GULP1: variants seen among roughly 807,000 people sequenced by gnomAD.
The protein encoded by GULP1 is GULP PTB domain containing engulfment adaptor 1.
A neutral mutation model predicts 40.9 loss-of-function variants in GULP1; 19 were observed. The ratio of observed to expected loss-of-function variants is 0.46; its 90% CI spans 0.32 to 0.68. The LOEUF is 0.68. Among genes scored for constraint, GULP1 ranks in the 30% least tolerant of loss-of-function variants. The pLI is 0.03. For synonymous variants in GULP1, 119 were observed against 117.6 expected (o/e 1.01, Z -0.08); for missense variants, 312 against 362.2 (o/e 0.86, Z 1.12).
At chr2:188,483,057 G>A (rs1163950981) in intron 3 of GULP1, among the ~76,000 whole-genome samples, 1 of 151,696 alleles carries the variant, frequency 6.6e-6, no homozygotes, top group Non-Finnish European at 1.5e-5. Flanking sequence ...TATTGTTCTA[G>A]GAATTAAGAA....
At chr2:188,489,825 C>G (rs1480208629) in intron 4 of GULP1, among the ~76,000 whole-genome samples, 3 of 151,950 alleles carry the variant, frequency 2.0e-5, no homozygotes, top group African/African-American at 7.2e-5. Flanking sequence ...GTAGTAATAA[C>G]TGGAATTTTA....
intron 7 of GULP1, among the ~76,000 whole-genome samples, chr2:188,548,859 T>TTTTGC (rs1692681457): frequency 6.9e-6 from 1 of 144,654 alleles, no homozygotes; most frequent in African/African-American, 2.7e-5. Flanking sequence ...TTTTGTTTTG[T>TTTTGC]TTTATTTTGT....
chr2:188,459,691 G>T (rs1266877667), intron 2 of GULP1, among the ~76,000 whole-genome samples: 3 of 152,038 alleles, frequency 2.0e-5, no homozygotes, highest in Admixed American at 1.3e-4. Context: ...GCCTGTACTT[G>T]TGGGTTATTA....
chr2:188,455,259 C>T (rs548628814), intron 2 of GULP1, among the ~76,000 whole-genome samples: 2 of 152,236 alleles, frequency 1.3e-5, no homozygotes, highest in African/African-American at 2.4e-5. Flanking sequence ...AGTTTCAACC[C>T]TATGATAATT....
At chr2:188,479,196 G>C (rs1440339248) in intron 3 of GULP1, among the ~76,000 whole-genome samples, 1 of 152,020 alleles carries the variant, frequency 6.6e-6, no homozygotes, top group African/African-American at 2.4e-5. Flanking sequence ...CAAACATTTG[G>C]ATGTGGCAGA....
At chr2:188,576,598 A>G (rs910866158) in intron 9 of GULP1, among the ~76,000 whole-genome samples, 4 of 152,102 alleles carry the variant, frequency 2.6e-5, no homozygotes, top group Admixed American at 6.6e-5. Flanking sequence ...GAATACTTAC[A>G]TATCTTCTAA....
At chr2:188,436,056 A>C (rs1279258160) in intron 2 of GULP1, among the ~76,000 whole-genome samples, 1 of 152,112 alleles carries the variant, frequency 6.6e-6, no homozygotes, top group Non-Finnish European at 1.5e-5. Flanking sequence ...ATGTAACTTA[A>C]GGTAATCCTG....
chr2:188,391,872 G>A (rs373466446), intron 2 of GULP1, among the ~76,000 whole-genome samples: 14 of 152,002 alleles, frequency 9.2e-5, no homozygotes, highest in African/African-American at 3.1e-4. Flanking sequence ...ATGTTCATAT[G>A]GTTTTTGTTT....
In GULP1 at chr2:188,595,035, G is replaced by T. The variant is rs1576355628; in HGVS notation, c.*1024G>T. 7 of 128,150 alleles carry T rather than the reference G, an allele frequency of 5.5e-5. No homozygotes were observed. Among genetic ancestry groups the T allele is most frequent in the South Asian group, 2.7e-4 (1 of 3,768 alleles). The allele number at this position is 128,150 out of a possible 1,614,324, so 7.9% of individuals were successfully genotyped here. ...GGTAAATTCAATCTGTATTTGTTTT[G>T]TTAAAGTCAAAAATCTCATTTTCCA... On this transcript the variant is annotated 3_prime_UTR_variant, in exon 12 of 12. Transcript: ENST00000409830.
chr2:188,472,286 C>A (rs561297107), intron 2 of GULP1, among the ~76,000 whole-genome samples: 1 of 152,060 alleles, frequency 6.6e-6, no homozygotes, highest in African/African-American at 2.4e-5. Context: ...TGTTGTATAA[C>A]CTTCTCGTAC....
chr2:188,320,286 CAT>C (rs2039777460), intron 1 of GULP1, among the ~76,000 whole-genome samples: 1 of 152,112 alleles, frequency 6.6e-6, no homozygotes, highest in African/African-American at 2.4e-5. Context: ...ATCCCTGAAA[CAT>C]AATGTGTTTT....
intron 2 of GULP1, among the ~76,000 whole-genome samples, chr2:188,457,692 T>G (rs1027825550): frequency 1.8e-4 from 27 of 152,318 alleles, no homozygotes; most frequent in African/African-American, 6.3e-4. Context: ...AAATTTTGTT[T>G]CAATATATGG....
intron 2 of GULP1, among the ~76,000 whole-genome samples, chr2:188,433,024 C>A (rs12465164): frequency 0.49 from 73,685 of 151,900 alleles, 18,328 homozygotes; most frequent in East Asian, 0.69. Flanking sequence ...ATCTTGACAC[C>A]AGTAGAAAAG....
At chr2:188,341,155 A>G (rs2042918748) in intron 1 of GULP1, among the ~76,000 whole-genome samples, 1 of 152,016 alleles carries the variant, frequency 6.6e-6, no homozygotes, top group Non-Finnish European at 1.5e-5. Context: ...TTCTGCCTAG[A>G]ATTTCTTTGC....
chr2:188,481,958 AC>A (rs1320831260), intron 3 of GULP1, among the ~76,000 whole-genome samples: 1,678 of 152,080 alleles, frequency 0.011, 35 homozygotes, highest in African/African-American at 0.038. Context: ...ATTAGCAATC[AC>A]AAAAAGTATA....
intron 7 of GULP1, among the ~76,000 whole-genome samples, chr2:188,556,514 C>A (rs1694801689): frequency 6.6e-6 from 1 of 152,072 alleles, no homozygotes; most frequent in Admixed American, 6.5e-5. Context: ...AAATCAGTAT[C>A]TTCAATTCTT....
intron 1 of GULP1, among the ~76,000 whole-genome samples, chr2:188,317,377 C>T (rs2039259087): frequency 6.6e-6 from 1 of 152,146 alleles, no homozygotes; most frequent in Non-Finnish European, 1.5e-5. Context: ...ATAGTCGACA[C>T]AATCTAGTCA....
intron 9 of GULP1, among the ~76,000 whole-genome samples, chr2:188,580,630 A>G (rs1701120995): frequency 6.6e-6 from 1 of 152,074 alleles, no homozygotes; most frequent in South Asian, 2.1e-4. Context: ...AGAGTGATTA[A>G]TTATATAACT....
At chr2:188,300,759 A>G (rs903214411) in intron 1 of GULP1, among the ~76,000 whole-genome samples, 2 of 152,200 alleles carry the variant, frequency 1.3e-5, no homozygotes, top group Non-Finnish European at 2.9e-5. Context: ...TTAATTTGAA[A>G]TAGTTAATAT....
Sources: allele counts gnomAD v4.1 joint callset (sites outside exome capture counted in the v4.1 genomes callset), GRCh38; gene constraint gnomAD v4.1.1; transcripts MANE v1.5; gene names NCBI Gene and HGNC (gene_info 2026-07-23, HGNC 2026-07-21).